Variants in ERCC2 observed in about 807,000 individuals in gnomAD.
ERCC2 encodes ERCC excision repair 2, TFIIH core complex helicase subunit.
ERCC2 carries 90 observed loss-of-function variants against 99.4 expected under a neutral mutation model. The ratio of observed to expected loss-of-function variants is 0.91; its 90% CI spans 0.76 to 1.08. ERCC2 has a LOEUF of 1.08. Ranked by LOEUF, ERCC2 falls within the 50% of genes least tolerant of loss-of-function variation. The pLI is 0.00. For synonymous variants in ERCC2, 497 were observed against 432.4 expected, an observed-to-expected ratio of 1.15 and a Z score of -1.85; for missense variants, 993 against 1,038.1, an observed-to-expected ratio of 0.96 and a Z score of 0.60.
At chr19:45,364,628 TC>T (rs979975560) in intron 7 of ERCC2, 81 bp from the exon 8 acceptor site, 2 of 1,574,228 alleles carry the variant, frequency 1.3e-6, no homozygotes, top group African/African-American at 2.7e-5. Context: ...GGCCCGTCAC[TC>T]CCACACAGGC....
At position 45,350,973 on chromosome 19, in the gene ERCC2, C is replaced by T; in HGVS notation, c.*656G>A. The T allele has an allele frequency of 6.2e-7, 1 of 1,614,168 alleles. No individual in the cohort carries two copies. Among genetic ancestry groups the T allele is most frequent in the Non-Finnish European group, 8.5e-7 (1 of 1,180,036 alleles). On this transcript the variant is annotated 3_prime_UTR_variant, in exon 23 of 23. Transcript: ENST00000391945. ...TTGCAGAATGAAGAGAGCCATGTCACTCAACACACTGAACGTGGATGCTCC... is the reference window on the plus strand; with the variant it reads ...TTGCAGAATGAAGAGAGCCATGTCATTCAACACACTGAACGTGGATGCTCC...
rs769761307 is a variant in ERCC2, at chr19:45,350,407, A to G, written c.*1222T>C. On this transcript the variant is annotated 3_prime_UTR_variant, in exon 23 of 23. Coordinates refer to ENST00000391945, the MANE Select transcript of ERCC2 (RefSeq NM_000400.4). ...AGAGCTGTACAAAGAAATCCTCCAC[A>G]AGGAGGACCTACCCGCCCCTCTCGG... is the stretch of plus-strand genomic sequence containing the variant. 2 of 1,613,260 alleles carry G rather than the reference A, an allele frequency of 1.2e-6. No individual in the cohort carries two copies. Among genetic ancestry groups the G allele is most frequent in the African/African-American group, 1.3e-5 (1 of 74,692 alleles).
intron 12 of ERCC2, chr19:45,358,854 G>T (rs41275762): frequency 3.8e-6 from 3 of 780,454 alleles, no homozygotes; most frequent in Admixed American, 3.4e-5. Context: ...TATAAGTTCT[G>T]GGGGGTTAGG....
chr19:45,363,895 G>T lies in ERCC2; in HGVS notation c.966C>A (p.Ser322=). The T allele has an allele frequency of 6.5e-7, 1 of 1,548,234 alleles. No individual in the cohort carries two copies. The change falls in exon 11 of 23, where the codon TCC becomes TCA. Residue 322 remains serine, a synonymous_variant. Transcript: ENST00000391945. The part of the protein sequence containing the change: ...DEVLQEAVPG[S]IRTAEHFLGF... The stretch of plus-strand genomic sequence containing the variant: ...CCAGGAAATGCTCGGCCGTGCGGAT[G>T]GAGCCAGGCACTGCCTCTGCGAGGA...
intron 1 of ERCC2, 88 bp downstream of exon 1, chr19:45,370,448 C>CT: frequency 6.6e-7 from 1 of 1,519,884 alleles, no homozygotes; most frequent in Non-Finnish European, 8.8e-7. Context: ...CCCTCGCCCC[C>CT]TTGGGGACCC....
At chr19:45,355,602 C>T (rs1971984774) in intron 16 of ERCC2, 63 bp downstream of exon 16, 1 of 1,385,632 alleles carries the variant, frequency 7.2e-7, no homozygotes, top group Non-Finnish European at 1.0e-6. Context: ...CATGACTCAG[C>T]CCACCTGACT....
At position 45,350,738 on chromosome 19, in the gene ERCC2, G is replaced by A. The variant is rs757858424; in HGVS notation, c.*891C>T. 27 of 1,610,912 alleles carry A rather than the reference G, an allele frequency of 1.7e-5. No individual in the cohort carries two copies. The highest frequency in any genetic ancestry group is 6.7e-5 in the Admixed American group (4 of 59,434). ...CGGCTCCGAGGCGAGGCGGCGGCAG[G>A]AGCAGCCGGGTGAGTGTTGATCAGG... On this transcript the variant is annotated 3_prime_UTR_variant, in exon 23 of 23. Transcript: ENST00000391945.
chr19:45,351,122 G>T lies in ERCC2; in HGVS notation c.*507C>A. The T allele has an allele frequency of 6.2e-7, 1 of 1,605,868 alleles. No individual in the cohort carries two copies. The highest frequency in any genetic ancestry group is 8.5e-7 in the Non-Finnish European group (1 of 1,175,756). ...CCAGTGGTGGAGTCAGCAGGTGGTG[G>T]GTTGGTGTCAGAAGAGACCCAGGAC... is the stretch of plus-strand genomic sequence containing the variant. On this transcript the variant is annotated 3_prime_UTR_variant, in exon 23 of 23. Transcript: ENST00000391945.
In ERCC2 at chr19:45,351,529, C is replaced by G; in HGVS notation, c.*100G>C. On this transcript the variant is annotated 3_prime_UTR_variant, in exon 23 of 23. Coordinates refer to ENST00000391945, the MANE Select transcript of ERCC2 (RefSeq NM_000400.4). Reference sequence around the variant, plus strand: ...GTGGACGTGACAGTGAGAAATGTCACCTGACTTCATAAGACCTTCTAGCAC... The same window carrying G: ...GTGGACGTGACAGTGAGAAATGTCAGCTGACTTCATAAGACCTTCTAGCAC... The G allele has an allele frequency of 6.2e-7, 1 of 1,602,940 alleles. No homozygotes were observed. The highest frequency in any genetic ancestry group is 8.5e-7 in the Non-Finnish European group (1 of 1,179,014).
chr19:45,351,941 G>A (rs1452843045), intron 22 of ERCC2, among the ~76,000 whole-genome samples: 7 of 152,166 alleles, frequency 4.6e-5, no homozygotes, highest in Non-Finnish European at 1.0e-4. Flanking sequence ...GCTTTCTCCA[G>A]GCCAGCACCG....
chr19:45,364,209 C>G (rs1226076141), intron 9 of ERCC2, 26 bp downstream of exon 9: 2 of 1,611,938 alleles, frequency 1.2e-6, no homozygotes, highest in African/African-American at 2.7e-5. Context: ...AGGGCGGGCA[C>G]CACCGCCAGA....
intron 15 of ERCC2, 76 bp from the exon 16 acceptor site, chr19:45,355,804 C>T (rs1971992433): frequency 1.1e-6 from 1 of 922,178 alleles, no homozygotes; most frequent in Non-Finnish European, 1.7e-6. Context: ...CCTGCTGGTG[C>T]TGTTCTAAGC....
intron 12 of ERCC2, among the ~76,000 whole-genome samples, chr19:45,359,932 G>A (rs530015746): frequency 4.6e-5 from 7 of 151,920 alleles, no homozygotes; most frequent in Non-Finnish European, 8.8e-5. Flanking sequence ...GTGCCACCAC[G>A]TCCAGCTAAT....
chr19:45,358,007 A>G (rs1235259215), intron 12 of ERCC2: 1 of 494,708 alleles, frequency 2.0e-6, no homozygotes, highest in African/African-American at 1.9e-5. Flanking sequence ...CCCACGCCAA[A>G]GCCAGGAGCC....
intron 17 of ERCC2, among the ~76,000 whole-genome samples, chr19:45,354,209 C>A (rs905399793): frequency 5.3e-5 from 8 of 152,204 alleles, no homozygotes; most frequent in Non-Finnish European, 1.0e-4. Context: ...CCACCCATGT[C>A]CTGCTGGTCA....
chr19:45,363,560 A>G (rs981630855), intron 11 of ERCC2, among the ~76,000 whole-genome samples, 183 bp downstream of exon 11: 4 of 152,166 alleles, frequency 2.6e-5, no homozygotes, highest in African/African-American at 9.7e-5. Flanking sequence ...GCACGGACCC[A>G]GGATCAGCTC....
Position 45,351,592 on chromosome 19 carries a change from A to C in ERCC2, c.*37T>G, listed in dbSNP as rs1971779960. The C allele has an allele frequency of 1.9e-6, 3 of 1,612,180 alleles. No homozygotes were observed. The South Asian group carries it at 3.3e-5, about 18-fold the overall frequency. ...GAACCAGGGCCAGGCAAGACTCAGGAGTCACCAGGAACCGTTTATGGCCCC... is the reference window on the plus strand; with the variant it reads ...GAACCAGGGCCAGGCAAGACTCAGGCGTCACCAGGAACCGTTTATGGCCCC... On this transcript the variant is annotated 3_prime_UTR_variant, in exon 23 of 23. Coordinates refer to ENST00000391945, the MANE Select transcript of ERCC2 (RefSeq NM_000400.4).
chr19:45,368,995 GCC>G lies in ERCC2; in HGVS notation c.184-5_184-4del. On this transcript the variant is annotated splice_region_variant and splice_polypyrimidine_tract_variant and intron_variant, in intron 3 of 22. Coordinates refer to ENST00000391945, the MANE Select transcript of ERCC2 (RefSeq NM_000400.4). ...TTGGTCACCTCCAGCGGATATGCCT[GCC>G]GATAACAAGCGGACTCAGTCCCTGT... The G allele has an allele frequency of 1.2e-6, 2 of 1,614,214 alleles. No individual in the cohort carries two copies. The highest frequency in any genetic ancestry group is 1.7e-6 in the Non-Finnish European group (2 of 1,180,016).
rs971561028 is a variant in ERCC2, at chr19:45,351,741, G to A, written c.2191-20C>T. On this transcript the variant is annotated intron_variant, in intron 22 of 22. Coordinates refer to ENST00000391945, the MANE Select transcript of ERCC2 (RefSeq NM_000400.4). ...ATCCTCCTGCAGAGAACAGAGGAAA[G>A]GGAGAGGGGGGCACTGTTGGGCAGG... The A allele has an allele frequency of 1.9e-6, 3 of 1,610,596 alleles. No homozygotes were observed. The highest frequency in any genetic ancestry group is 1.7e-6 in the Non-Finnish European group (2 of 1,177,536).
Sources: allele counts gnomAD v4.1 joint callset (sites outside exome capture counted in the v4.1 genomes callset), GRCh38; gene constraint gnomAD v4.1.1; transcripts MANE v1.5; gene names NCBI Gene and HGNC (gene_info 2026-07-23, HGNC 2026-07-21).